The following CCDC33 variants were observed in gnomAD, a reference collection of about 807,000 sequenced individuals.
CCDC33 encodes the protein coiled-coil domain-containing protein 33.
In CCDC33, 94 loss-of-function variants were observed where a neutral mutation model predicts 91.9. The observed-to-expected ratio is 1.02, with a 90% CI of 0.87 to 1.21. The LOEUF (loss-of-function observed/expected upper bound fraction) is 1.21. Ranked by LOEUF, CCDC33 falls within the 50% of genes most tolerant of loss-of-function variation. The probability of loss-of-function intolerance (pLI) is 0.00; values close to 1 mark genes in which losing one functional copy is unlikely to be tolerated. For synonymous variants in CCDC33, 396 were observed against 374.5 expected (o/e 1.06, Z -0.66); for missense variants, 940 against 935.5 (o/e 1.00, Z -0.06).
At position 74,280,726 on chromosome 15, in the gene CCDC33, A is replaced by G; in HGVS notation, c.948A>G (p.Leu316=). 9 of 1,575,282 alleles carry G rather than the reference A, an allele frequency of 5.7e-6. No individual in the cohort carries two copies. The highest frequency in any genetic ancestry group is 5.2e-6 in the Non-Finnish European group (6 of 1,160,470). The change falls in exon 9 of 19, where the codon CTA becomes CTG. Residue 316 remains leucine, a synonymous_variant. Coordinates refer to ENST00000398814, the MANE Select transcript of CCDC33 (RefSeq NM_025055.5). ...NQPLGISVLP[L]KSRLYQKMLT... is the part of the protein sequence containing the mutation. Reference sequence around the variant, plus strand: ...CCCTGGGCATCTCTGTGTTGCCGCTAAAGAGCCGTTTGTACCAGAAGATGC... The same window carrying G: ...CCCTGGGCATCTCTGTGTTGCCGCTGAAGAGCCGTTTGTACCAGAAGATGC...
intron 10 of CCDC33, among the ~76,000 whole-genome samples, chr15:74,287,716 G>A (rs151165550): frequency 0.016 from 2,430 of 151,768 alleles, 50 homozygotes; most frequent in African/African-American, 0.054. Context: ...CAGCTACTGG[G>A]AGGCGGAGGT....
chr15:74,207,184 A>C (rs958466553), intron 1 of CCDC33, among the ~76,000 whole-genome samples: 6 of 152,200 alleles, frequency 3.9e-5, no homozygotes, highest in Non-Finnish European at 7.3e-5. Flanking sequence ...GTGATTATCA[A>C]ATCCTCAAAG....
chr15:74,306,474 T>C (rs351183), intron 11 of CCDC33, among the ~76,000 whole-genome samples: 146,946 of 152,272 alleles, frequency 0.97, 71,107 homozygotes, highest in East Asian at 1. Context: ...GGAAGGGAAA[T>C]GAAATTCCTC....
chr15:74,231,276 G>C (rs1385852395), intron 2 of CCDC33, among the ~76,000 whole-genome samples: 1 of 152,194 alleles, frequency 6.6e-6, no homozygotes, highest in Non-Finnish European at 1.5e-5. Context: ...GGGGTGTTAT[G>C]ACCCCACCAG....
chr15:74,284,575 TGAA>T (rs2059435034), intron 10 of CCDC33, among the ~76,000 whole-genome samples: 1 of 151,916 alleles, frequency 6.6e-6, no homozygotes, highest in South Asian at 2.1e-4. Flanking sequence ...AATATTACAC[TGAA>T]GAAGAAGAAG....
Position 74,332,677 on chromosome 15 carries a change from A to G in CCDC33, c.1772-2A>G, listed in dbSNP as rs368639543. On this transcript the variant is annotated splice_acceptor_variant, in intron 15 of 18. Coordinates refer to ENST00000398814, the MANE Select transcript of CCDC33 (RefSeq NM_025055.5). LOFTEE classifies it high-confidence loss of function. ...CACCAACATCTGTGGCCGTGTCTCT[A>G]GGCTTCCCTATGCTCTCAGCCTCTG... 1 of 1,613,708 alleles carries G rather than the reference A, an allele frequency of 6.2e-7. No homozygotes were observed. Among genetic ancestry groups the G allele is most frequent in the Non-Finnish European group, 8.5e-7 (1 of 1,179,686 alleles).
In CCDC33 at chr15:74,329,161, C is replaced by CATATATAT. The variant is rs143161165; in HGVS notation, c.1291-1018_1291-1011dup. 5.8e-3 allele frequency among the ~76,000 whole-genome samples: 860 copies of CATATATAT among 149,350 alleles called. 9 individuals are homozygous for CATATATAT. Among genetic ancestry groups the CATATATAT allele is most frequent in the African/African-American group, 0.02 (803 of 40,890 alleles). On this transcript the variant is annotated intron_variant, in intron 11 of 18. Coordinates refer to ENST00000398814, the MANE Select transcript of CCDC33 (RefSeq NM_025055.5). Reference sequence around the variant, plus strand: ...CATATAAATATAGCCTATTAATTTTCATATATATATATATATACATGCACA... The same window carrying CATATATAT: ...CATATAAATATAGCCTATTAATTTTCATATATATATATATATATATATATACATGCACA...
intron 11 of CCDC33, among the ~76,000 whole-genome samples, chr15:74,323,753 T>C (rs68021814): frequency 0.44 from 66,696 of 151,564 alleles, 15,928 homozygotes; most frequent in South Asian, 0.66. Context: ...GGTCTCAAGC[T>C]TCTGACCTGG....
At chr15:74,304,708 G>A (rs1200134295) in intron 11 of CCDC33, among the ~76,000 whole-genome samples, 2 of 152,092 alleles carry the variant, frequency 1.3e-5, no homozygotes, top group East Asian at 1.9e-4. Flanking sequence ...TGGAGCTGGC[G>A]GGGAGCCTGG....
intron 17 of CCDC33, 30 bp from the exon 18 acceptor site, chr15:74,334,945 T>C (rs1567046896): frequency 6.5e-7 from 1 of 1,550,346 alleles, no homozygotes; most frequent in East Asian, 2.2e-5. Context: ...CTGCCCATGG[T>C]CCTCCAATTG....
chr15:74,228,198 G>A (rs927256679), intron 2 of CCDC33, among the ~76,000 whole-genome samples: 6 of 152,314 alleles, frequency 3.9e-5, no homozygotes, highest in South Asian at 4.1e-4. Context: ...GGCTGAAGGC[G>A]CAGTAGAGGG....
chr15:74,229,801 A>C (rs568798773), intron 2 of CCDC33, among the ~76,000 whole-genome samples: 1 of 152,218 alleles, frequency 6.6e-6, no homozygotes, highest in African/African-American at 2.4e-5. Flanking sequence ...TCTGGTGCCA[A>C]TTCTGCACCA....
rs1192679433 is a variant in CCDC33, at chr15:74,335,915, C to T, written c.2140-10C>T. Reference sequence around the variant, plus strand: ...GGGGGTACTCACGCACCCCGCTTTGCACACCACAGAGTGCCCTCACCCACT... The same window carrying T: ...GGGGGTACTCACGCACCCCGCTTTGTACACCACAGAGTGCCCTCACCCACT... On this transcript the variant is annotated splice_polypyrimidine_tract_variant and intron_variant, in intron 18 of 18. Transcript: ENST00000398814. 6.8e-6 allele frequency: 11 copies of T among 1,611,116 alleles called. No homozygotes were observed. Among genetic ancestry groups the T allele is most frequent in the Non-Finnish European group, 8.5e-6 (10 of 1,177,792 alleles).
At chr15:74,263,871 C>G (rs1595976390) in intron 3 of CCDC33, among the ~76,000 whole-genome samples, 1 of 152,042 alleles carries the variant, frequency 6.6e-6, no homozygotes, top group Admixed American at 6.6e-5. Context: ...TTGCAGTGCA[C>G]AAGTATGTAT....
intron 18 of CCDC33, 34 bp from the exon 19 acceptor site, chr15:74,335,891 G>T: frequency 6.5e-7 from 1 of 1,546,268 alleles, no homozygotes; most frequent in Non-Finnish European, 8.9e-7. Context: ...CTGGGAATGG[G>T]GGGTACTCAC....
intron 11 of CCDC33, among the ~76,000 whole-genome samples, chr15:74,307,624 GT>G (rs1287990729): frequency 1.3e-5 from 2 of 152,048 alleles, no homozygotes; most frequent in East Asian, 3.9e-4. Context: ...AGCTGCCTCA[GT>G]TTCCTAGTAA....
upstream of CCDC33, among the ~76,000 whole-genome samples, chr15:74,215,880 A>C (rs2074431498): frequency 6.6e-6 from 1 of 150,936 alleles, no homozygotes; most frequent in Non-Finnish European, 1.5e-5. Flanking sequence ...TCACCAAAAA[A>C]AAAAAAAAAG....
At chr15:74,287,559 T>C (rs943012776) in intron 10 of CCDC33, among the ~76,000 whole-genome samples, 3 of 152,120 alleles carry the variant, frequency 2.0e-5, no homozygotes, top group Non-Finnish European at 4.4e-5. Flanking sequence ...TAAATCTGTA[T>C]ACCTGTAATC....
chr15:74,293,543 C>T (rs766221916), intron 10 of CCDC33, among the ~76,000 whole-genome samples: 2 of 152,174 alleles, frequency 1.3e-5, no homozygotes, highest in Non-Finnish European at 2.9e-5. Flanking sequence ...AAACACATGG[C>T]CAGAAAACCC....
Sources: gnomAD v4.1 joint callset for allele counts (sites outside exome capture counted in the v4.1 genomes callset) on GRCh38, gnomAD v4.1.1 for gene constraint, MANE v1.5 for transcripts, NCBI Gene and HGNC (gene_info 2026-07-23, HGNC 2026-07-21) for gene names.